The following FLNA variants were observed in gnomAD, a reference collection of about 807,000 sequenced individuals.
The protein encoded by FLNA is filamin-A.
FLNA carries 7 observed loss-of-function variants against 157.6 expected under a neutral mutation model. The observed-to-expected ratio is 0.04, with a 90% confidence interval of 0.03 to 0.08. The LOEUF is 0.08. FLNA is among the 10% of genes least tolerant of loss of function. The probability of loss-of-function intolerance (pLI) is 1.00; values close to 1 mark genes in which losing one functional copy is unlikely to be tolerated. For synonymous variants in FLNA, 1,103 were observed against 1,060.8 expected (o/e 1.04, Z -0.77); for missense variants, 1,750 against 2,398.4 (o/e 0.73, Z 5.65).
intron 15 of FLNA, among the ~76,000 whole-genome samples, chrX:154,363,531 A>G (rs5945421): frequency 0.25 from 27,030 of 109,684 alleles, 2,635 homozygotes; most frequent in South Asian, 0.53. Context: ...TGGCTAACAC[A>G]GTGAAACCTT....
In FLNA at chrX:154,366,859, G is replaced by A. The variant is rs1272218622; in HGVS notation, c.869-9C>T. On this transcript the variant is annotated splice_polypyrimidine_tract_variant and intron_variant, in intron 5 of 47. Coordinates refer to ENST00000369850, the MANE Select transcript of FLNA (RefSeq NM_001110556.2). ...GCCTGTGGGCTCGATGCCTGGCAGG[G>A]GAAGGCGAGCCAACCACGGGCCAGC... 5 of 1,190,959 alleles carry A rather than the reference G, an allele frequency of 4.2e-6. No homozygotes were observed. In the African/African-American group the frequency reaches 8.7e-5, roughly 21 times the overall value.
chrX:154,362,002 C>T lies in FLNA; in HGVS notation c.2803G>A (p.Val935Ile). Residue 935 changes from valine to isoleucine, a missense_variant, in exon 19 of 48, where the codon GTC becomes ATC. This residue lies in a region of FLNA where 648 missense variants were observed against 805.8 expected (regional missense o/e 0.80). Transcript: ENST00000369850. ...ACCTGCTGGACAGGCGTGTACTTGA[C>T]TGTGTAGGTGTTGTCATGGTGGTCG... ...IIDHHDNTYT[V>I]KYTPVQQGPV... The T allele has an allele frequency of 1.7e-6, 2 of 1,211,104 alleles. No individual in the cohort carries two copies. The highest frequency in any genetic ancestry group is 2.2e-6 in the Non-Finnish European group (2 of 895,197).
chrX:154,368,463 C>A (rs1461829635), intron 2 of FLNA, among the ~76,000 whole-genome samples: 1 of 112,515 alleles, frequency 8.9e-6, no homozygotes, highest in Non-Finnish European at 1.9e-5. Context: ...CCGCCACACA[C>A]CTCAGGGGCC....
intron 21 of FLNA, among the ~76,000 whole-genome samples, chrX:154,361,060 A>AAAAAAAAAAAAAAAG: frequency 1.2e-5 from 1 of 85,134 alleles, no homozygotes; most frequent in African/African-American, 5.5e-5. Context: ...AAAAAAAAAA[A>AAAAAAAAAAAAAAAG]AAAAAAAAAA....
intron 44 of FLNA, 144 bp from the exon 45 acceptor site, chrX:154,350,351 C>A (rs782464488): frequency 9.7e-6 from 5 of 515,489 alleles, no homozygotes; most frequent in Non-Finnish European, 1.7e-5. Flanking sequence ...ACCTGCACCC[C>A]GCAGCAGACC....
chrX:154,365,436 C>G lies in FLNA; in HGVS notation c.1480G>C (p.Gly494Arg). The G allele has an allele frequency of 1.7e-6, 2 of 1,211,705 alleles. No individual in the cohort carries two copies. The highest frequency in any genetic ancestry group is 2.2e-6 in the Non-Finnish European group (2 of 895,500). The change falls in exon 10 of 48, where the codon GGT becomes CGT. Residue 494 changes from glycine to arginine, a missense_variant. Transcript: ENST00000369850. ...TCAGCTGTCTCCTTCACCCGCACAC[C>G]CTTGGGCTGGAGGCCCCGGCCAACC... ...RAVGRGLQPK[G>R]VRVKETADFK...
rs781806485 is a variant in FLNA, at chrX:154,363,988, GA to G, written c.2280+33del. On this transcript the variant is annotated intron_variant, in intron 15 of 47. Coordinates refer to ENST00000369850, the MANE Select transcript of FLNA (RefSeq NM_001110556.2). ...AATCGTGTGCTACGTGAATGCTATC[GA>G]GATGGACTAAAGGCCGGTGGAGGTT... 8.3e-6 allele frequency: 10 copies of G among 1,203,373 alleles called. No homozygotes were observed. In the East Asian group the frequency reaches 3.0e-4, roughly 36 times the overall value.
rs1557180210 is a variant in FLNA, at chrX:154,371,099, G to A, written c.147C>T (p.Phe49=). ...TCAGGTGCTCGTTGCACCAGCGCGT[G>A]AAAGTGTTCTGCTGGATCTTCTTCC... The part of the protein sequence containing the change: ...APWKKIQQNT[F]TRWCNEHLKC... The change falls in exon 2 of 48, where the codon TTC becomes TTT. Residue 49 remains phenylalanine (F), a synonymous_variant. Transcript: ENST00000369850. 2.5e-6 allele frequency: 3 copies of A among 1,204,457 alleles called. No homozygotes were observed. The Admixed American group carries it at 6.6e-5, about 27-fold the overall frequency.
At chrX:154,371,938 G>A (rs1003972996) in intron 1 of FLNA, among the ~76,000 whole-genome samples, 1 of 113,765 alleles carries the variant, frequency 8.8e-6, no homozygotes, top group African/African-American at 3.2e-5. Context: ...GGCGCTTTGT[G>A]TGCTCATCAC....
At chrX:154,350,268 C>CT (rs2067608939) in intron 44 of FLNA, 61 bp from the exon 45 acceptor site, 1 of 1,050,243 alleles carries the variant, frequency 9.5e-7, no homozygotes, top group African/African-American at 1.8e-5. Context: ...CAGATGGTGT[C>CT]TGTGAGGAAC....
rs2148121972 is a variant in FLNA at position 154,371,061 on chromosome X, T to C, written c.185A>G (p.Lys62Arg). The change falls in exon 2 of 48, where the codon AAG becomes AGG. Residue 62 changes from lysine to arginine, a missense_variant. By Grantham distance (26) the Lys-to-Arg change is conservative. Around this residue, in one of 5 missense-constraint regions of FLNA, gnomAD observed 71 missense variants for 239.5 expected, o/e 0.30. Transcript: ENST00000369850. ...GTCCGTCTGCAGGTTGGCGATGCGC[T>C]TGCTCACGCACTTCAGGTGCTCGTT... ...WCNEHLKCVS[K>R]RIANLQTDLS... 1 of 1,205,580 alleles carries C rather than the reference T, an allele frequency of 8.3e-7. No individual in the cohort carries two copies. The highest frequency in any genetic ancestry group is 1.1e-6 in the Non-Finnish European group (1 of 892,304).
intron 21 of FLNA, among the ~76,000 whole-genome samples, chrX:154,361,102 A>G (rs782256349): frequency 1.4e-4 from 14 of 99,115 alleles, no homozygotes; most frequent in African/African-American, 4.5e-4. Flanking sequence ...AAAAAAAGAA[A>G]TTCTTCAACC....
At chrX:154,358,620 C>T (rs2067680779) in intron 26 of FLNA, 52 bp from the exon 27 acceptor site, 1 of 1,186,021 alleles carries the variant, frequency 8.4e-7, no homozygotes, top group Middle Eastern at 2.5e-4. Context: ...GGCCTCCATT[C>T]CTACCCCACC....
intron 19 of FLNA, 73 bp from the exon 20 acceptor site, chrX:154,361,860 C>T: frequency 1.8e-6 from 2 of 1,094,354 alleles, no homozygotes; most frequent in Non-Finnish European, 2.5e-6. Flanking sequence ...CCTGGACCTC[C>T]ATGCCTGTCC....
intron 4 of FLNA, 24 bp from the exon 5 acceptor site, chrX:154,367,568 C>A: frequency 8.3e-7 from 1 of 1,211,326 alleles, no homozygotes; most frequent in Non-Finnish European, 1.1e-6. Context: ...AAAACAGGAG[C>A]CATCGGGCCT....
chrX:154,353,216 G>T lies in FLNA; in HGVS notation c.6023-12C>A, dbSNP rs1557176169. 8.3e-7 allele frequency: 1 copy of T among 1,210,861 alleles called. No homozygotes were observed. The highest frequency in any genetic ancestry group is 2.2e-5 in the Admixed American group (1 of 46,112). ...CACGAATGAAATCCCTGGACACAGG[G>T]CATGGCTGTCAGTCAGGGAGGGCAT... is the stretch of plus-strand genomic sequence containing the variant. On this transcript the variant is annotated splice_polypyrimidine_tract_variant and intron_variant, in intron 37 of 47. Transcript: ENST00000369850.
chrX:154,363,841 C>T (rs909735470), intron 15 of FLNA, among the ~76,000 whole-genome samples, 181 bp downstream of exon 15: 52 of 112,675 alleles, frequency 4.6e-4, no homozygotes, highest in African/African-American at 1.6e-3. Context: ...ACATGGCACA[C>T]AGTTCCATCT....
chrX:154,365,238 T>G lies in FLNA; in HGVS notation c.1589A>C (p.Gln530Pro), dbSNP rs782484602. The change falls in exon 11 of 48, where the codon CAG becomes CCG. Residue 530 changes from glutamine to proline, a missense_variant. Physicochemically the swap from Gln to Pro is moderately conservative, Grantham distance 76. Coordinates refer to ENST00000369850, the MANE Select transcript of FLNA (RefSeq NM_001110556.2). ...ATACACGCCATCCCCCAGGTCCTTC[T>G]GCTTCACGCGCTCCTCTCCCTCTGC... is the stretch of plus-strand genomic sequence containing the variant. ...KGPKGEERVK[Q>P]KDLGDGVYGF... The G allele has an allele frequency of 2.5e-6, 3 of 1,211,874 alleles. No homozygotes were observed. Among genetic ancestry groups the G allele is most frequent in the Non-Finnish European group, 2.2e-6 (2 of 895,509 alleles).
In FLNA at chrX:154,360,638, G is replaced by A. The variant is rs782026137; in HGVS notation, c.3208-51C>T. On this transcript the variant is annotated intron_variant, in intron 21 of 47. Coordinates refer to ENST00000369850, the MANE Select transcript of FLNA (RefSeq NM_001110556.2). ...AAGGCCACACTATGCCCCGATCCCAGACCTCCTGCTTGACTTTCCACCTGC... is the reference window on the plus strand; with the variant it reads ...AAGGCCACACTATGCCCCGATCCCAAACCTCCTGCTTGACTTTCCACCTGC... The A allele has an allele frequency of 1.9e-5, 21 of 1,079,654 alleles. No homozygotes were observed. The Admixed American group carries it at 4.8e-4, about 24-fold the overall frequency. 89.0% of individuals were successfully genotyped at this position (1,079,654 alleles called of 1,213,427 possible). A position where few individuals can be genotyped will look rare whatever the true frequency, so the allele number is the denominator to read the frequency against.
Sources: gnomAD v4.1 joint callset for allele counts (sites outside exome capture counted in the v4.1 genomes callset) on GRCh38, gnomAD v4.1.1 for gene constraint, gnomAD v4.1.1 regional missense constraint, MANE v1.5 for transcripts, NCBI Gene and HGNC (gene_info 2026-07-23, HGNC 2026-07-21) for gene names.